YEATS2: variants seen among roughly 807,000 people sequenced by gnomAD.
YEATS2 encodes the protein YEATS domain-containing protein 2.
A neutral mutation model predicts 163.2 loss-of-function variants in YEATS2; 77 were observed. The ratio of observed to expected loss-of-function variants is 0.47; its 90% CI spans 0.39 to 0.57. The LOEUF (loss-of-function observed/expected upper bound fraction) is 0.57. YEATS2 is among the 20% of genes least tolerant of loss of function. The probability of loss-of-function intolerance (pLI) is 0.00; values close to 1 mark genes in which losing one functional copy is unlikely to be tolerated. For missense variants in YEATS2, 1,549 were observed against 1,729.8 expected, an observed-to-expected ratio of 0.90 and a Z score of 1.85; for synonymous variants, 631 against 645.1, an observed-to-expected ratio of 0.98 and a Z score of 0.33.
chr3:183,809,180 T>C lies in YEATS2; in HGVS notation c.4160+10T>C. 1.2e-6 allele frequency: 2 copies of C among 1,613,782 alleles called. No homozygotes were observed. Among genetic ancestry groups the C allele is most frequent in the Non-Finnish European group, 1.7e-6 (2 of 1,179,728 alleles). ...CAGCTTCTCACAACAGGTATTACTA[T>C]CTCTGCAGTCTGTGGTGTGAGGCTT... On this transcript the variant is annotated intron_variant, in intron 30 of 30. Transcript: ENST00000305135.
intron 1 of YEATS2, among the ~76,000 whole-genome samples, chr3:183,699,902 C>A (rs1263961956): frequency 6.6e-6 from 1 of 152,050 alleles, no homozygotes; most frequent in Non-Finnish European, 1.5e-5. Context: ...GTCCATAGTT[C>A]TGGAAGTGGG....
chr3:183,715,348 C>T, intron 2 of YEATS2, 86 bp downstream of exon 2: 2 of 994,358 alleles, frequency 2.0e-6, no homozygotes, highest in South Asian at 2.8e-5. Flanking sequence ...AAATGAATTT[C>T]CACTGTTATG....
intron 1 of YEATS2, among the ~76,000 whole-genome samples, chr3:183,712,794 C>G (rs923822590): frequency 4.7e-5 from 7 of 149,820 alleles, no homozygotes; most frequent in Admixed American, 4.7e-4. Flanking sequence ...GAGTTTTGCT[C>G]TTGTTGCCCA....
At chr3:183,731,911 A>G (rs911797255) in intron 7 of YEATS2, among the ~76,000 whole-genome samples, 2 of 152,240 alleles carry the variant, frequency 1.3e-5, no homozygotes, top group Admixed American at 6.5e-5. Context: ...TACTTTTCCC[A>G]TAGCAAACCA....
intron 21 of YEATS2, chr3:183,793,558 G>T (rs1724859599): frequency 4.4e-6 from 2 of 455,022 alleles, no homozygotes; most frequent in African/African-American, 4.4e-5. Context: ...GTAAGTTCTA[G>T]TTTCCTAAGA....
chr3:183,754,044 A>G lies in YEATS2; in HGVS notation c.1151-82A>G, dbSNP rs1482122099. On this transcript the variant is annotated intron_variant, in intron 10 of 30. Transcript: ENST00000305135. ...GTTTAAAATGGTGTTGAAATAATGCATTTTTATTCTTTTTCCACAACGGTA... is the reference window on the plus strand; with the variant it reads ...GTTTAAAATGGTGTTGAAATAATGCGTTTTTATTCTTTTTCCACAACGGTA... The G allele has an allele frequency of 6.2e-6, 9 of 1,451,096 alleles. No homozygotes were observed. In the East Asian group the frequency reaches 2.1e-4, roughly 34 times the overall value. The allele number at this position is 1,451,096 out of a possible 1,614,324, so 89.9% of individuals were successfully genotyped here.
intron 8 of YEATS2, 30 bp from the exon 9 acceptor site, chr3:183,747,642 T>G (rs777994774): frequency 6.2e-7 from 1 of 1,603,162 alleles, no homozygotes; most frequent in Middle Eastern, 1.7e-4. Flanking sequence ...TGCAGTGAAA[T>G]TTAACACTCT....
chr3:183,716,074 G>A (rs779744626), intron 2 of YEATS2, among the ~76,000 whole-genome samples: 1 of 151,856 alleles, frequency 6.6e-6, no homozygotes, highest in African/African-American at 2.4e-5. Flanking sequence ...ATTCTCCTGC[G>A]TCAGCCTCCC....
chr3:183,711,741 C>G (rs1715241540), intron 1 of YEATS2, among the ~76,000 whole-genome samples: 1 of 151,886 alleles, frequency 6.6e-6, no homozygotes, highest in Non-Finnish European at 1.5e-5. Context: ...ACTCTCCTAG[C>G]TGAGTCAAGT....
intron 19 of YEATS2, among the ~76,000 whole-genome samples, chr3:183,781,532 C>T (rs1282503585): frequency 6.6e-6 from 1 of 152,150 alleles, no homozygotes. Flanking sequence ...ATCTGGGCAT[C>T]CCTCAGCCCA....
At chr3:183,740,908 C>A (rs1238260490) in intron 8 of YEATS2, among the ~76,000 whole-genome samples, 3 of 152,114 alleles carry the variant, frequency 2.0e-5, no homozygotes, top group Non-Finnish European at 2.9e-5. Flanking sequence ...ATAGGATTGA[C>A]TTCTTGTTAG....
At chr3:183,805,807 A>G (rs1294849181) in intron 27 of YEATS2, among the ~76,000 whole-genome samples, 2 of 151,770 alleles carry the variant, frequency 1.3e-5, no homozygotes, top group Non-Finnish European at 2.9e-5. Flanking sequence ...AGGGGGGGCA[A>G]GTCCCAGTTT....
chr3:183,774,499 G>T (rs1405928928), intron 17 of YEATS2, among the ~76,000 whole-genome samples: 1 of 152,152 alleles, frequency 6.6e-6, no homozygotes, highest in Non-Finnish European at 1.5e-5. Flanking sequence ...CTTGGGGACA[G>T]CTGGTTTGGA....
intron 9 of YEATS2, among the ~76,000 whole-genome samples, chr3:183,748,551 G>A (rs1275051643): frequency 2.6e-5 from 4 of 151,976 alleles, no homozygotes; most frequent in East Asian, 1.9e-4. Flanking sequence ...GATTACAGGC[G>A]TGAGCCACCA....
At chr3:183,796,111 T>G (rs1326695937) in intron 21 of YEATS2, among the ~76,000 whole-genome samples, 1 of 150,688 alleles carries the variant, frequency 6.6e-6, no homozygotes, top group East Asian at 2.0e-4. Flanking sequence ...GCCTCCCAAG[T>G]AGCTTGAATT....
intron 15 of YEATS2, among the ~76,000 whole-genome samples, chr3:183,767,807 A>G (rs770091944): frequency 3.3e-5 from 5 of 152,034 alleles, no homozygotes; most frequent in Non-Finnish European, 7.4e-5. Flanking sequence ...ATGAGCCACC[A>G]CGCCCGGCAG....
intron 30 of YEATS2, 21 bp downstream of exon 30, chr3:183,809,191 TGTG>T (rs1327289708): frequency 1.2e-6 from 2 of 1,612,870 alleles, no homozygotes; most frequent in Non-Finnish European, 1.7e-6. Flanking sequence ...CTCTGCAGTC[TGTG>T]GTGTGAGGCT....
chr3:183,759,002 T>G lies in YEATS2; in HGVS notation c.1656+37T>G, dbSNP rs774887314. 5.3e-6 allele frequency: 7 copies of G among 1,316,114 alleles called. No individual in the cohort carries two copies. The East Asian group carries it at 7.5e-5, about 14-fold the overall frequency. The allele number at this position is 1,316,114 out of a possible 1,614,324, so 81.5% of individuals were successfully genotyped here. A position where few individuals can be genotyped will look rare whatever the true frequency, so the allele number is the denominator to read the frequency against. Reference sequence around the variant, plus strand: ...ACTGCGTTATTACACTTTGCTAGCTTCTTTTTCTTTTCATTTTTAAAAAAT... The same window carrying G: ...ACTGCGTTATTACACTTTGCTAGCTGCTTTTTCTTTTCATTTTTAAAAAAT... On this transcript the variant is annotated intron_variant, in intron 13 of 30. Transcript: ENST00000305135.
intron 29 of YEATS2, 81 bp downstream of exon 29, chr3:183,808,185 G>A: frequency 8.7e-7 from 1 of 1,148,200 alleles, no homozygotes. Context: ...GACAGAAAAG[G>A]AACAAAGATA....
Sources: gnomAD v4.1 joint callset for allele counts (sites outside exome capture counted in the v4.1 genomes callset) on GRCh38, gnomAD v4.1.1 for gene constraint, MANE v1.5 for transcripts, NCBI Gene and HGNC (gene_info 2026-07-23, HGNC 2026-07-21) for gene names.